The following VPS13A variants were observed in gnomAD, a reference collection of about 807,000 sequenced individuals.
VPS13A encodes the protein vacuolar protein sorting 13 homolog A.
VPS13A carries 264 observed loss-of-function variants against 390.9 expected under a neutral mutation model. That is an observed-to-expected ratio of 0.68 (90% CI 0.61 to 0.75). The LOEUF (loss-of-function observed/expected upper bound fraction) is 0.75. Among genes scored for constraint, VPS13A ranks in the 30% least tolerant of loss-of-function variants. VPS13A has a pLI of 0.00. For missense variants in VPS13A, 3,409 were observed against 3,733.9 expected (o/e 0.91, Z 2.27); for synonymous variants, 1,231 against 1,227.1 (o/e 1.00, Z -0.07).
At chr9:77,332,512 CT>C (rs1285853566) in intron 46 of VPS13A, among the ~76,000 whole-genome samples, 1 of 151,088 alleles carries the variant, frequency 6.6e-6, no homozygotes, top group East Asian at 1.9e-4. Context: ...ATATTTTATC[CT>C]TTTCTTTTCA....
chr9:77,324,595 A>G (rs527723150), intron 45 of VPS13A, among the ~76,000 whole-genome samples: 11 of 152,304 alleles, frequency 7.2e-5, no homozygotes, highest in Non-Finnish European at 1.5e-4. Context: ...ATCTCACATA[A>G]TCATGACGTC....
chr9:77,285,566 G>A (rs928611517), intron 31 of VPS13A, among the ~76,000 whole-genome samples: 1 of 152,164 alleles, frequency 6.6e-6, no homozygotes, highest in African/African-American at 2.4e-5. Context: ...AATTCTTGGT[G>A]ATGGGTACAC....
In VPS13A at chr9:77,307,125, T is replaced by G. The variant is rs116694630; in HGVS notation, c.3961-820T>G. Among the ~76,000 whole-genome samples, 348 of 152,136 alleles carry G rather than the reference T, an allele frequency of 2.3e-3. 2 individuals are homozygous for G. The highest frequency in any genetic ancestry group is 8.0e-3 in the African/African-American group (333 of 41,514). ...CACCGTGTTGGCTGGGCTGTTCTCT[T>G]AACTCCTGGCCTCAAGTGATCTGCC... is the stretch of plus-strand genomic sequence containing the variant. On this transcript the variant is annotated intron_variant, in intron 34 of 71. Coordinates refer to ENST00000360280, the MANE Select transcript of VPS13A (RefSeq NM_033305.3).
chr9:77,286,826 G>A (rs11145371), intron 31 of VPS13A, among the ~76,000 whole-genome samples: 15,556 of 152,114 alleles, frequency 0.1, 830 homozygotes, highest in Middle Eastern at 0.13. Context: ...TATAAGCCTG[G>A]CAGCCTACAT....
chr9:77,209,478 C>A lies in VPS13A; in HGVS notation c.441C>A (p.Ile147=), dbSNP rs1192258037. The change falls in exon 6 of 72, where the codon ATC becomes ATA. Residue 147 remains isoleucine (I), a synonymous_variant. Coordinates refer to ENST00000360280, the MANE Select transcript of VPS13A (RefSeq NM_033305.3). ...TTGCAGAAAAATTAGTTACACAGAT[C>A]ATAAAAAATCTTCAGGTGAAAATTT... ...DTFAEKLVTQ[I]IKNLQVKISS... The A allele has an allele frequency of 6.2e-7, 1 of 1,612,358 alleles. No homozygotes were observed. Among genetic ancestry groups the A allele is most frequent in the South Asian group, 1.1e-5 (1 of 90,732 alleles).
chr9:77,371,695 T>G (rs981232861), intron 67 of VPS13A, among the ~76,000 whole-genome samples: 1 of 151,682 alleles, frequency 6.6e-6, no homozygotes, highest in African/African-American at 2.4e-5. Context: ...TTAGGGTACA[T>G]GTGCACATTG....
rs909800753 is a variant in VPS13A, at chr9:77,340,122, G to A, written c.6775-56G>A. On this transcript the variant is annotated intron_variant, in intron 48 of 71. Transcript: ENST00000360280. ...GCTAAAAAGTAATTTATCAGTTTAA[G>A]CAGGAATTTTTAAAGGTACCTAAAT... 9 of 1,516,348 alleles carry A rather than the reference G, an allele frequency of 5.9e-6. No individual in the cohort carries two copies. The African/African-American group carries it at 1.1e-4, about 19-fold the overall frequency. 93.9% of individuals were successfully genotyped at this position (1,516,348 alleles called of 1,614,324 possible).
chr9:77,315,010 A>T (rs1359931439), intron 37 of VPS13A, among the ~76,000 whole-genome samples: 1 of 152,162 alleles, frequency 6.6e-6, no homozygotes, highest in Non-Finnish European at 1.5e-5. Context: ...GAAAAGAAAA[A>T]ATATCCTGAG....
At chr9:77,179,679 G>T (rs947381029) in intron 1 of VPS13A, among the ~76,000 whole-genome samples, 2 of 150,398 alleles carry the variant, frequency 1.3e-5, no homozygotes, top group Non-Finnish European at 3.0e-5. Context: ...TTTTAAATTG[G>T]GTTGTACGTT....
intron 68 of VPS13A, among the ~76,000 whole-genome samples, chr9:77,401,329 T>TTGTGTGTG (rs4012461): frequency 0.023 from 3,238 of 140,464 alleles, 37 homozygotes; most frequent in Middle Eastern, 0.03. Flanking sequence ...TCACATGAAG[T>TTGTGTGTG]TGTGTGTGTG....
intron 34 of VPS13A, among the ~76,000 whole-genome samples, chr9:77,304,793 T>C (rs1828615055): frequency 6.6e-6 from 1 of 152,300 alleles, no homozygotes; most frequent in East Asian, 1.9e-4. Context: ...TTTGCTGAAG[T>C]GATAGCAACA....
chr9:77,268,841 G>C (rs1157602151), intron 23 of VPS13A, among the ~76,000 whole-genome samples: 2 of 151,946 alleles, frequency 1.3e-5, no homozygotes, highest in Non-Finnish European at 2.9e-5. Flanking sequence ...TCAGGAGGCT[G>C]AGGTAGGAGA....
intron 23 of VPS13A, among the ~76,000 whole-genome samples, chr9:77,267,140 C>A (rs934935335): frequency 1.3e-4 from 20 of 152,042 alleles, no homozygotes. Context: ...TTTGTTATTA[C>A]CCACCTTCTG....
At position 77,295,611 on chromosome 9, in the gene VPS13A, G is replaced by A; in HGVS notation, c.3577G>A (p.Ala1193Thr). 1 of 1,613,834 alleles carries A rather than the reference G, an allele frequency of 6.2e-7. No homozygotes were observed. The highest frequency in any genetic ancestry group is 8.5e-7 in the Non-Finnish European group (1 of 1,179,812). The part of the protein sequence containing the change: ...AEATVQAAGM[A>T]ATGVKELAQR... ...GGCAACTGTTCAGGCAGCTGGAATG[G>A]CTGCTACTGGTGTAAAAGAACTCGC... is the stretch of plus-strand genomic sequence containing the variant. Residue 1193 changes from alanine (A) to threonine (T), a missense_variant, in exon 33 of 72, where the codon GCT (alanine) becomes ACT (threonine). Ala to Thr is a moderately conservative substitution (Grantham distance 58). This residue lies in a region of VPS13A where 2,717 missense variants were observed against 2,917.4 expected (regional missense o/e 0.93). Transcript: ENST00000360280.
intron 50 of VPS13A, 133 bp from the exon 51 acceptor site, chr9:77,344,020 A>G (rs1830991699): frequency 1.2e-6 from 1 of 808,766 alleles, no homozygotes; most frequent in South Asian, 1.9e-5. Flanking sequence ...TGTTTAAACA[A>G]CCCAATAACT....
intron 18 of VPS13A, 31 bp from the exon 19 acceptor site, chr9:77,238,241 G>C (rs962987573): frequency 6.2e-7 from 1 of 1,609,782 alleles, no homozygotes; most frequent in African/African-American, 1.3e-5. Flanking sequence ...AGTTTGCTTT[G>C]AGTTTGTGTT....
At chr9:77,183,400 C>T (rs951168374) in intron 1 of VPS13A, among the ~76,000 whole-genome samples, 1 of 152,102 alleles carries the variant, frequency 6.6e-6, no homozygotes, top group Non-Finnish European at 1.5e-5. Context: ...CCCTTCTTGT[C>T]CCCAGGTTTT....
At chr9:77,402,886 ATG>A (rs1238979895) in intron 68 of VPS13A, among the ~76,000 whole-genome samples, 2 of 152,208 alleles carry the variant, frequency 1.3e-5, no homozygotes, top group East Asian at 1.9e-4. Context: ...TAGTATTTAC[ATG>A]TGTTTTTGTA....
intron 68 of VPS13A, among the ~76,000 whole-genome samples, chr9:77,394,609 A>G (rs1317402746): frequency 1.3e-5 from 2 of 152,236 alleles, no homozygotes; most frequent in Non-Finnish European, 2.9e-5. Flanking sequence ...TTGAAGCTTT[A>G]AAGCCAGGCA....
Sources: allele counts gnomAD v4.1 joint callset (sites outside exome capture counted in the v4.1 genomes callset), GRCh38; gene constraint gnomAD v4.1.1; regional missense constraint gnomAD v4.1.1; transcripts MANE v1.5; gene names NCBI Gene and HGNC (gene_info 2026-07-23, HGNC 2026-07-21).